PAIP1: variants seen among roughly 807,000 people sequenced by gnomAD.
PAIP1 encodes poly(A) binding protein interacting protein 1.
A neutral mutation model predicts 61.3 loss-of-function variants in PAIP1; 16 were observed. That is an observed-to-expected ratio of 0.26 (90% CI 0.18 to 0.40). The LOEUF is 0.40. Ranked by LOEUF, PAIP1 falls within the 10% of genes least tolerant of loss-of-function variation. The probability of loss-of-function intolerance (pLI) is 1.00; values close to 1 mark genes in which losing one functional copy is unlikely to be tolerated. For missense variants in PAIP1, 416 were observed against 600.9 expected (o/e 0.69, Z 3.22); for synonymous variants, 187 against 226.2 (o/e 0.83, Z 1.56).
chr5:43,543,328 G>GA (rs1747494322), intron 3 of PAIP1, among the ~76,000 whole-genome samples: 2 of 120,616 alleles, frequency 1.7e-5, no homozygotes, highest in African/African-American at 2.9e-5. Context: ...AAAAAAAAAA[G>GA]AAAAAACCCA....
At chr5:43,534,807 G>A (rs200175358) in intron 8 of PAIP1, 46 bp downstream of exon 8, 25 of 1,013,596 alleles carry the variant, frequency 2.5e-5, no homozygotes, top group African/African-American at 6.3e-5. Context: ...TTTCCAAAAC[G>A]GAATTCAAGC....
chr5:43,550,020 G>A lies in PAIP1; in HGVS notation c.436-2107C>T, dbSNP rs768582616. On this transcript the variant is annotated intron_variant, in intron 2 of 10. Transcript: ENST00000306846. ...ATTACAGGCGAGAGCCACCATGCCCGGCCTATGTATCTTCAGAGACTGAAG... is the reference window on the plus strand; with the variant it reads ...ATTACAGGCGAGAGCCACCATGCCCAGCCTATGTATCTTCAGAGACTGAAG... Among the ~76,000 whole-genome samples, 51 of 152,106 alleles carry A rather than the reference G, an allele frequency of 3.4e-4. 1 individual carries two copies. Among genetic ancestry groups the A allele is most frequent in the Admixed American group, 7.2e-4 (11 of 15,272 alleles).
chr5:43,529,558 A>C (rs1440046123), intron 10 of PAIP1, among the ~76,000 whole-genome samples: 1 of 152,036 alleles, frequency 6.6e-6, no homozygotes, highest in Non-Finnish European at 1.5e-5. Flanking sequence ...ATCCTGGCTA[A>C]TTTTTGTACT....
chr5:43,548,794 G>A (rs1045054237), intron 2 of PAIP1, among the ~76,000 whole-genome samples: 2 of 152,096 alleles, frequency 1.3e-5, no homozygotes, highest in Non-Finnish European at 2.9e-5. Context: ...TCCAAACAGA[G>A]TAAATGAAAA....
intron 3 of PAIP1, among the ~76,000 whole-genome samples, chr5:43,544,325 AG>A (rs1490556356): frequency 6.6e-6 from 1 of 152,152 alleles, no homozygotes; most frequent in African/African-American, 2.4e-5. Flanking sequence ...TGTCACATTA[AG>A]GGAGAAAGAG....
chr5:43,537,994 C>A (rs1349901452), intron 5 of PAIP1, among the ~76,000 whole-genome samples: 6 of 54,008 alleles, frequency 1.1e-4, no homozygotes, highest in East Asian at 7.0e-4. Context: ...ACTGTCCCCA[C>A]CCAAAAAAAA....
intron 8 of PAIP1, among the ~76,000 whole-genome samples, chr5:43,534,027 G>C (rs1426286130): frequency 6.6e-6 from 1 of 152,182 alleles, no homozygotes; most frequent in African/African-American, 2.4e-5. Context: ...TTGTCTTTCA[G>C]TGAACTGTTC....
intron 4 of PAIP1, among the ~76,000 whole-genome samples, chr5:43,540,916 C>G (rs1284754165): frequency 6.6e-6 from 1 of 152,032 alleles, no homozygotes; most frequent in Non-Finnish European, 1.5e-5. Context: ...CTAGGTAACT[C>G]TAAGGCACAG....
Position 43,556,933 on chromosome 5 carries a change from T to C in PAIP1, c.-87A>G. On this transcript the variant is annotated 5_prime_UTR_variant, in exon 1 of 11. Coordinates refer to ENST00000306846, the MANE Select transcript of PAIP1 (RefSeq NM_006451.5). ...GGGGGAAGGCGCCGCGGGTCGGCTA[T>C]AGCCGCCGCGCCTCACTCGGGCCTC... 1 of 1,289,612 alleles carries C rather than the reference T, an allele frequency of 7.8e-7. No individual in the cohort carries two copies. 79.9% of individuals were successfully genotyped at this position (1,289,612 alleles called of 1,614,324 possible).
At chr5:43,553,925 T>A (rs1747961603) in intron 2 of PAIP1, among the ~76,000 whole-genome samples, 1 of 152,216 alleles carries the variant, frequency 6.6e-6, no homozygotes. Flanking sequence ...AAGTTTCTAA[T>A]ATCTAATTTA....
At position 43,555,964 on chromosome 5, in the gene PAIP1, G is replaced by A; in HGVS notation, c.301C>T (p.Gln101Ter). 1 of 1,613,978 alleles carries A rather than the reference G, an allele frequency of 6.2e-7. No individual in the cohort carries two copies. The highest frequency in any genetic ancestry group is 8.5e-7 in the Non-Finnish European group (1 of 1,179,942). Residue 101 changes from glutamine to a stop codon, truncating the protein, a stop_gained, in exon 2 of 11, where the codon CAG becomes TAG. Coordinates refer to ENST00000306846, the MANE Select transcript of PAIP1 (RefSeq NM_006451.5). LOFTEE classifies it high-confidence loss of function. Reference protein sequence around the residue: ...TRPLRAPPSSQDKIPQQNSES... With the variant: ...TRPLRAPPSS ...GAGTTCTGCTGTGGGATTTTATCCT[G>A]TGAACTAGGTGGAGCTCTCAGGGGC...
intron 3 of PAIP1, 103 bp downstream of exon 3, chr5:43,547,625 G>T: frequency 1.4e-6 from 1 of 700,670 alleles, no homozygotes; most frequent in Non-Finnish European, 2.5e-6. Context: ...GAGTAAGTGT[G>T]GAGGCAGGTG....
chr5:43,551,813 G>C (rs753823052), intron 2 of PAIP1, among the ~76,000 whole-genome samples: 2 of 144,486 alleles, frequency 1.4e-5, no homozygotes, highest in Non-Finnish European at 3.0e-5. Flanking sequence ...ATCAGTAAAA[G>C]AAGAAAGTAG....
intron 2 of PAIP1, among the ~76,000 whole-genome samples, chr5:43,553,626 G>C (rs1325180836): frequency 6.6e-6 from 1 of 152,150 alleles, no homozygotes; most frequent in African/African-American, 2.4e-5. Context: ...GGGGAAAAAA[G>C]GATCCTGCTG....
chr5:43,543,439 A>T (rs1747500608), intron 3 of PAIP1, among the ~76,000 whole-genome samples: 1 of 152,190 alleles, frequency 6.6e-6, no homozygotes. Flanking sequence ...CACAGTGACA[A>T]TTATGAATGA....
chr5:43,531,218 G>A (rs1746914913), intron 9 of PAIP1, among the ~76,000 whole-genome samples: 1 of 151,354 alleles, frequency 6.6e-6, no homozygotes, highest in African/African-American at 2.4e-5. Flanking sequence ...CAAAAAATTT[G>A]TCCAAGTCAG....
At position 43,549,703 on chromosome 5, in the gene PAIP1, TTTTTA is replaced by T. The variant is rs1026312936; in HGVS notation, c.436-1795_436-1791del. 6.6e-5 allele frequency among the ~76,000 whole-genome samples: 10 copies of T among 152,194 alleles called. No individual in the cohort carries two copies. The South Asian group carries it at 1.0e-3, about 16-fold the overall frequency. Reference sequence around the variant, plus strand: ...ATCATTTGGAGGTCATGTTTTACACTTTTTATTTTATCTTTATTTTTTATTTTTAT... The same window carrying T: ...ATCATTTGGAGGTCATGTTTTACACTTTTTATCTTTATTTTTTATTTTTAT... On this transcript the variant is annotated intron_variant, in intron 2 of 10. Coordinates refer to ENST00000306846, the MANE Select transcript of PAIP1 (RefSeq NM_006451.5).
At chr5:43,535,790 AGT>A (rs967081803) in intron 6 of PAIP1, 150 bp from the exon 7 acceptor site, 46 of 594,588 alleles carry the variant, frequency 7.7e-5, no homozygotes, top group Non-Finnish European at 6.5e-5. Context: ...TCTAATATTC[AGT>A]GATCTCTACG....
intron 8 of PAIP1, among the ~76,000 whole-genome samples, chr5:43,534,578 T>C (rs935828875): frequency 6.6e-6 from 1 of 152,236 alleles, no homozygotes; most frequent in African/African-American, 2.4e-5. Flanking sequence ...ATAAATTCTC[T>C]GGAAAAGCTG....
Sources: allele counts gnomAD v4.1 joint callset (sites outside exome capture counted in the v4.1 genomes callset), GRCh38; gene constraint gnomAD v4.1.1; transcripts MANE v1.5; gene names NCBI Gene and HGNC (gene_info 2026-07-23, HGNC 2026-07-21).